Variants in SRSF4 observed in about 807,000 individuals in gnomAD.
SRSF4 encodes the protein serine and arginine rich splicing factor 4.
A neutral mutation model predicts 48.8 loss-of-function variants in SRSF4; 12 were observed. That is an observed-to-expected ratio of 0.25 (90% CI 0.16 to 0.40). SRSF4 has a LOEUF of 0.40. Among genes scored for constraint, SRSF4 ranks in the 10% least tolerant of loss-of-function variants. The probability of loss-of-function intolerance (pLI) is 1.00; values close to 1 mark genes in which losing one functional copy is unlikely to be tolerated. For missense variants in SRSF4, 466 were observed against 667.1 expected (o/e 0.70, Z 3.32); for synonymous variants, 248 against 232.5 (o/e 1.07, Z -0.61).
At chr1:29,181,564 C>G in intron 1 of SRSF4, 82 bp downstream of exon 1, 1 of 1,226,560 alleles carries the variant, frequency 8.2e-7, no homozygotes, top group South Asian at 1.5e-5. Flanking sequence ...GCGGACCAGG[C>G]GTCCCTCTCC....
intron 1 of SRSF4, among the ~76,000 whole-genome samples, chr1:29,161,552 A>G (rs1048748098): frequency 6.6e-6 from 1 of 152,220 alleles, no homozygotes; most frequent in African/African-American, 2.4e-5. Context: ...GACTTGTCAG[A>G]GGGTCACTCA....
At chr1:29,152,295 C>T (rs949655561) in intron 4 of SRSF4, among the ~76,000 whole-genome samples, 11 of 152,104 alleles carry the variant, frequency 7.2e-5, no homozygotes, top group African/African-American at 1.9e-4. Context: ...GCAGCAGGAG[C>T]GGGTGATGTG....
intron 1 of SRSF4, among the ~76,000 whole-genome samples, chr1:29,176,569 T>C (rs1000479729): frequency 3.3e-5 from 5 of 151,728 alleles, no homozygotes; most frequent in African/African-American, 9.7e-5. Flanking sequence ...ACTAACTATA[T>C]ACTTCCTAAT....
At chr1:29,181,550 C>T in intron 1 of SRSF4, 96 bp downstream of exon 1, 1 of 1,118,936 alleles carries the variant, frequency 8.9e-7, no homozygotes. Context: ...GGTAGCCGCT[C>T]CGCGCGGACC....
In SRSF4 at chr1:29,148,785, G is replaced by GCTGCGA. The variant is rs762415782; in HGVS notation, c.1104_1109dup (p.Arg371_Ser372dup). ...TTCTGCTCCTCTCACTCTTGCTGCG[G>GCTGCGA]CTGCGACTGCGACTGCGGCTCTCCT... On this transcript the variant is annotated inframe_insertion, in exon 6 of 6. Transcript: ENST00000373795. The GCTGCGA allele has an allele frequency of 5.4e-5, 87 of 1,613,376 alleles. 1 individual carries two copies. The highest frequency in any genetic ancestry group is 9.3e-5 in the African/African-American group (7 of 74,964).
intron 4 of SRSF4, among the ~76,000 whole-genome samples, chr1:29,151,876 A>G (rs1408879837): frequency 6.6e-6 from 1 of 152,260 alleles, no homozygotes; most frequent in Non-Finnish European, 1.5e-5. Context: ...ACATACAAAG[A>G]GAGAAAAGGC....
At chr1:29,157,412 G>T (rs1024807713) in intron 3 of SRSF4, among the ~76,000 whole-genome samples, 2 of 152,180 alleles carry the variant, frequency 1.3e-5, no homozygotes, top group African/African-American at 2.4e-5. Flanking sequence ...TACTGATGAA[G>T]AGAGTAGCTT....
intron 5 of SRSF4, 43 bp downstream of exon 5, chr1:29,150,060 C>CA: frequency 6.0e-6 from 9 of 1,510,402 alleles, no homozygotes; most frequent in Non-Finnish European, 8.3e-6. Context: ...AGGGTACAGG[C>CA]ATTCCCTGCT....
intron 1 of SRSF4, among the ~76,000 whole-genome samples, chr1:29,178,468 C>T (rs972842125): frequency 4.6e-5 from 7 of 151,628 alleles, no homozygotes; most frequent in Non-Finnish European, 8.8e-5. Flanking sequence ...CTCAGCCTCT[C>T]GAGTAGCTGG....
In SRSF4 at chr1:29,148,474, G is replaced by T; in HGVS notation, c.1421C>A (p.Ser474Tyr). 1 of 1,613,904 alleles carries T rather than the reference G, an allele frequency of 6.2e-7. No homozygotes were observed. Among genetic ancestry groups the T allele is most frequent in the South Asian group, 1.1e-5 (1 of 91,020 alleles). Residue 474 changes from serine to tyrosine, a missense_variant, in exon 6 of 6, where the codon TCT (serine) becomes TAT (tyrosine). Ser to Tyr is a moderately radical substitution (Grantham distance 144). This residue lies in a region of SRSF4 where 402 missense variants were observed against 437.0 expected (regional missense o/e 0.92). Coordinates refer to ENST00000373795, the MANE Select transcript of SRSF4 (RefSeq NM_005626.5). ...CGATCTGGAAGCAGACCTGGATCTA[G>T]ACTTGGACCGAGATCGGGTTTTTGA... ...SASKTRSRSK[S>Y]RSRSASRSPS...
At chr1:29,165,372 C>T (rs1672656547) in intron 1 of SRSF4, among the ~76,000 whole-genome samples, 2 of 152,198 alleles carry the variant, frequency 1.3e-5, no homozygotes, top group Non-Finnish European at 1.5e-5. Context: ...AAAGGTAGAA[C>T]TGGAATGACG....
At chr1:29,154,539 A>G in intron 4 of SRSF4, 157 bp downstream of exon 4, 2 of 713,108 alleles carry the variant, frequency 2.8e-6, no homozygotes, top group South Asian at 2.0e-5. Flanking sequence ...TAAGAGTTCA[A>G]GAGTTTTACA....
intron 4 of SRSF4, among the ~76,000 whole-genome samples, chr1:29,152,403 T>C (rs537648149): frequency 1.3e-5 from 2 of 152,274 alleles, no homozygotes; most frequent in East Asian, 1.9e-4. Context: ...AAATTTTCCA[T>C]AATAAAAAGT....
intron 1 of SRSF4, among the ~76,000 whole-genome samples, chr1:29,174,758 C>A (rs1225914849): frequency 2.7e-5 from 4 of 149,808 alleles, no homozygotes; most frequent in Non-Finnish European, 3.0e-5. Context: ...ATTGCAACCT[C>A]CACTTCCTGG....
chr1:29,181,543 A>G (rs565260690), intron 1 of SRSF4, 103 bp downstream of exon 1: 36 of 1,028,058 alleles, frequency 3.5e-5, no homozygotes, highest in Non-Finnish European at 4.2e-5. Context: ...CCAGGCCGGT[A>G]GCCGCTCCGC....
chr1:29,150,494 C>T (rs1170978216), intron 4 of SRSF4, among the ~76,000 whole-genome samples: 4 of 152,132 alleles, frequency 2.6e-5, no homozygotes, highest in African/African-American at 9.7e-5. Flanking sequence ...GAACTCCTGA[C>T]CTCAGGTGAT....
chr1:29,174,846 G>A (rs1404432552), intron 1 of SRSF4, among the ~76,000 whole-genome samples: 1 of 151,736 alleles, frequency 6.6e-6, no homozygotes, highest in East Asian at 2.0e-4. Context: ...GCTAATTTTT[G>A]TATTTTTAGT....
rs1283567207 is a variant in SRSF4, at chr1:29,148,307, A to G, written c.*103T>C. ...TTATAGACACACCATTAGGGGAGTTAAAAATGTACAGCAGTGACATGTTCT... is the reference window on the plus strand; with the variant it reads ...TTATAGACACACCATTAGGGGAGTTGAAAATGTACAGCAGTGACATGTTCT... On this transcript the variant is annotated 3_prime_UTR_variant, in exon 6 of 6. Coordinates refer to ENST00000373795, the MANE Select transcript of SRSF4 (RefSeq NM_005626.5). 3.5e-6 allele frequency: 5 copies of G among 1,444,882 alleles called. No individual in the cohort carries two copies. Among genetic ancestry groups the G allele is most frequent in the Non-Finnish European group, 4.8e-6 (5 of 1,052,222 alleles). 89.5% of individuals were successfully genotyped at this position (1,444,882 alleles called of 1,614,324 possible).
At chr1:29,173,359 T>C (rs543325023) in intron 1 of SRSF4, 2 of 151,638 alleles carry the variant, frequency 1.3e-5, no homozygotes, top group East Asian at 3.9e-4. Flanking sequence ...TTAGCCAGGA[T>C]GGTCTCGATC....
Sources: allele counts gnomAD v4.1 joint callset (sites outside exome capture counted in the v4.1 genomes callset), GRCh38; gene constraint gnomAD v4.1.1; regional missense constraint gnomAD v4.1.1; transcripts MANE v1.5; gene names NCBI Gene and HGNC (gene_info 2026-07-23, HGNC 2026-07-21).